The following YY1 variants were observed in gnomAD, a reference collection of about 807,000 sequenced individuals.
YY1 encodes the protein transcriptional repressor protein YY1.
A neutral mutation model predicts 35.6 loss-of-function variants in YY1; 2 were observed. That is an observed-to-expected ratio of 0.06 (90% CI 0.02 to 0.18). The LOEUF (loss-of-function observed/expected upper bound fraction) is 0.18, where lower values mean the gene tolerates loss of function less well. Ranked by LOEUF, YY1 falls within the 10% of genes least tolerant of loss-of-function variation. The pLI is 1.00. For synonymous variants in YY1, 268 were observed against 238.9 expected (o/e 1.12, Z -1.12); for missense variants, 322 against 573.4 (o/e 0.56, Z 4.48).
At chr14:100,260,680 C>G (rs1464751427) in intron 1 of YY1, among the ~76,000 whole-genome samples, 1 of 149,018 alleles carries the variant, frequency 6.7e-6, no homozygotes, top group Non-Finnish European at 1.5e-5. Flanking sequence ...ATTGTATTAG[C>G]CAGGATGGTC....
intron 2 of YY1, chr14:100,264,365 C>A (rs992179390): frequency 5.9e-5 from 9 of 152,126 alleles, no homozygotes; most frequent in Non-Finnish European, 1.3e-4. Context: ...TTAGTAGAGA[C>A]GGAGTTTCAC....
At chr14:100,240,266 G>T (rs901712156) in intron 1 of YY1, among the ~76,000 whole-genome samples, 3 of 136,190 alleles carry the variant, frequency 2.2e-5, no homozygotes, top group African/African-American at 7.7e-5. Context: ...ATCAACGGGC[G>T]CGCCCGCCGG....
At chr14:100,253,576 C>T (rs1174061452) in intron 1 of YY1, among the ~76,000 whole-genome samples, 1 of 152,070 alleles carries the variant, frequency 6.6e-6, no homozygotes, top group Non-Finnish European at 1.5e-5. Context: ...TGCCACCATG[C>T]CCAGCTAATT....
intron 1 of YY1, among the ~76,000 whole-genome samples, chr14:100,257,798 T>C (rs1287986707): frequency 6.7e-6 from 1 of 150,004 alleles, no homozygotes. Context: ...TAAGACACTT[T>C]CATCAGTAGC....
intron 2 of YY1, among the ~76,000 whole-genome samples, chr14:100,270,048 G>A (rs774721939): frequency 6.4e-4 from 97 of 151,264 alleles, no homozygotes; most frequent in Admixed American, 9.9e-4. Flanking sequence ...GGATCACGAG[G>A]TCAGGAGATC....
intron 2 of YY1, among the ~76,000 whole-genome samples, chr14:100,271,064 TAA>T (rs375804834): frequency 0.017 from 2,508 of 151,708 alleles, 81 homozygotes; most frequent in African/African-American, 0.05. Context: ...GCTAACACGG[TAA>T]GAAACCCCGT....
rs1299212066 is a variant in YY1 at position 100,239,807 on chromosome 14, G to T, written c.563G>T (p.Gly188Val). 2.0e-6 allele frequency: 3 copies of T among 1,504,116 alleles called. No individual in the cohort carries two copies. The East Asian group carries it at 7.8e-5, about 39-fold the overall frequency. 93.2% of individuals were successfully genotyped at this position (1,504,116 alleles called of 1,614,324 possible). A position where few individuals can be genotyped will look rare whatever the true frequency, so the allele number is the denominator to read the frequency against. Residue 188 changes from glycine (G) to valine (V), a missense_variant, in exon 1 of 5, where the codon GGC becomes GTC. This residue lies in a region of YY1 where 152 missense variants were observed against 167.1 expected (regional missense o/e 0.91). Coordinates refer to ENST00000262238, the MANE Select transcript of YY1 (RefSeq NM_003403.5). ...AGCGGCAAGAAGAGTTACCTCAGCG[G>T]CGGGGCCGGCGCGGCGGGCGGCGGC... ...KKSGKKSYLS[G>V]GAGAAGGGGA...
chr14:100,245,491 C>G (rs1214543680), intron 1 of YY1, among the ~76,000 whole-genome samples: 1 of 152,058 alleles, frequency 6.6e-6, no homozygotes, highest in Non-Finnish European at 1.5e-5. Flanking sequence ...TTTACTTTGG[C>G]CTTTTTCACT....
rs1217357285 is a variant in YY1 at position 100,277,850 on chromosome 14, G to A, written c.*250G>A. 2.0e-6 allele frequency: 1 copy of A among 489,522 alleles called. No homozygotes were observed. Among genetic ancestry groups the A allele is most frequent in the African/African-American group, 1.9e-5 (1 of 51,654 alleles). 30.3% of individuals were successfully genotyped at this position (489,522 alleles called of 1,614,324 possible). ...AAACACAGTGTTTTTGTAAAGTGTG[G>A]TCCCAACAGGAGGACAATTCATGAA... is the stretch of plus-strand genomic sequence containing the variant. On this transcript the variant is annotated 3_prime_UTR_variant, in exon 5 of 5. Coordinates refer to ENST00000262238, the MANE Select transcript of YY1 (RefSeq NM_003403.5). This position sits in a 1 kb window ranked among gnomAD's most constrained non-coding sequence, Gnocchi z 5.6.
Position 100,277,720 on chromosome 14 carries a change from C to T in YY1, c.*120C>T. On this transcript the variant is annotated 3_prime_UTR_variant, in exon 5 of 5. Coordinates refer to ENST00000262238, the MANE Select transcript of YY1 (RefSeq NM_003403.5). The surrounding 1 kb of genome is among the most constrained non-coding windows in gnomAD (Gnocchi z 5.6). ...AAGAATTTTAAAAATGAATCCTACACACCTAAGGGACATGTTTTGATAAAG... is the reference window on the plus strand; with the variant it reads ...AAGAATTTTAAAAATGAATCCTACATACCTAAGGGACATGTTTTGATAAAG... 9.3e-7 allele frequency: 1 copy of T among 1,076,354 alleles called. No individual in the cohort carries two copies. Among genetic ancestry groups the T allele is most frequent in the Non-Finnish European group, 1.4e-6 (1 of 735,788 alleles). The allele number at this position is 1,076,354 out of a possible 1,614,324, so 66.7% of individuals were successfully genotyped here.
chr14:100,249,010 C>T (rs771186068), intron 1 of YY1, among the ~76,000 whole-genome samples: 4 of 149,854 alleles, frequency 2.7e-5, no homozygotes, highest in Non-Finnish European at 5.9e-5. Flanking sequence ...AATAGCCATT[C>T]AGTTACTTTG....
intron 2 of YY1, 69 bp downstream of exon 2, chr14:100,262,535 T>TG (rs1891098600): frequency 4.0e-6 from 6 of 1,513,258 alleles, no homozygotes; most frequent in African/African-American, 2.7e-5. Flanking sequence ...TATGTTTTCC[T>TG]GTGCCTAAGT....
chr14:100,254,593 G>A (rs1157287091), intron 1 of YY1, among the ~76,000 whole-genome samples: 1 of 151,972 alleles, frequency 6.6e-6, no homozygotes, highest in Non-Finnish European at 1.5e-5. Context: ...GAGTGGCTGG[G>A]ATTAAAGGCA....
At chr14:100,245,083 C>T (rs1890811843) in intron 1 of YY1, among the ~76,000 whole-genome samples, 1 of 151,970 alleles carries the variant, frequency 6.6e-6, no homozygotes, top group Admixed American at 6.6e-5. Flanking sequence ...ACTACAGGCG[C>T]CCGCTGCCAC....
Position 100,239,256 on chromosome 14 carries a change from C to G in YY1, c.12C>G (p.Gly4=), listed in dbSNP as rs1182356568. The G allele has an allele frequency of 6.4e-7, 1 of 1,566,752 alleles. No homozygotes were observed. The highest frequency in any genetic ancestry group is 8.6e-7 in the Non-Finnish European group (1 of 1,159,998). The change falls in exon 1 of 5, where the codon GGC becomes GGG. Residue 4 remains glycine, a synonymous_variant. Transcript: ENST00000262238. Reference sequence around the variant, plus strand: ...CGGAGCCCTCAGCCATGGCCTCGGGCGACACCCTCTACATCGCCACGGACG... The same window carrying G: ...CGGAGCCCTCAGCCATGGCCTCGGGGGACACCCTCTACATCGCCACGGACG... MAS[G]DTLYIATDGS...
chr14:100,262,560 G>A, intron 2 of YY1, 94 bp downstream of exon 2: 3 of 1,327,956 alleles, frequency 2.3e-6, no homozygotes, highest in Non-Finnish European at 3.2e-6. Context: ...ATGGTGGTTT[G>A]TATTCTTTCT....
rs1350866972 is a variant in YY1, at chr14:100,239,945, C to T, written c.679+22C>T. 12 of 1,512,412 alleles carry T rather than the reference C, an allele frequency of 7.9e-6. No homozygotes were observed. The South Asian group carries it at 8.7e-5, about 11-fold the overall frequency. The allele number at this position is 1,512,412 out of a possible 1,614,324, so 93.7% of individuals were successfully genotyped here. A position where few individuals can be genotyped will look rare whatever the true frequency, so the allele number is the denominator to read the frequency against. On this transcript the variant is annotated intron_variant, in intron 1 of 4. Coordinates refer to ENST00000262238, the MANE Select transcript of YY1 (RefSeq NM_003403.5). ...TCAGGTGAGCGCCGGCCGCGCGCCC[C>T]GGCCCCGGGATGTTTTTGTTTTGAA...
chr14:100,241,850 C>G (rs1890748374), intron 1 of YY1, among the ~76,000 whole-genome samples: 2 of 151,774 alleles, frequency 1.3e-5, no homozygotes, highest in South Asian at 4.2e-4. Context: ...GGCGGGAGCC[C>G]GTAATCCCAG....
intron 1 of YY1, among the ~76,000 whole-genome samples, chr14:100,261,495 T>TA (rs1891086033): frequency 6.6e-6 from 1 of 152,164 alleles, no homozygotes; most frequent in Non-Finnish European, 1.5e-5. Flanking sequence ...GGGCCGAACA[T>TA]ATATTTGTTG....
Sources: allele counts gnomAD v4.1 joint callset (sites outside exome capture counted in the v4.1 genomes callset), GRCh38; gene constraint gnomAD v4.1.1; regional missense constraint gnomAD v4.1.1; non-coding constraint Gnocchi (gnomAD v3.1); transcripts MANE v1.5; gene names NCBI Gene and HGNC (gene_info 2026-07-23, HGNC 2026-07-21).